JADE3: variants seen among roughly 807,000 people sequenced by gnomAD.
The protein encoded by JADE3 is jade family PHD finger 3.
In JADE3, 2 loss-of-function variants were observed where a neutral mutation model predicts 50.1. The observed-to-expected ratio is 0.04, with a 90% confidence interval of 0.02 to 0.13. JADE3 has a LOEUF of 0.13. Among genes scored for constraint, JADE3 ranks in the 10% least tolerant of loss-of-function variants. The pLI, the probability that JADE3 is intolerant of heterozygous loss-of-function variation, is 1.00. For synonymous variants in JADE3, 218 were observed against 232.9 expected (o/e 0.94, Z 0.58); for missense variants, 475 against 634.4 (o/e 0.75, Z 2.70).
In JADE3 at chrX:47,060,507, T is replaced by C. The variant is rs1285508862; in HGVS notation, c.*1430T>C. The C allele has an allele frequency of 2.7e-5, 3 of 111,973 alleles. No individual in the cohort carries two copies. The highest frequency in any genetic ancestry group is 3.8e-5 in the Non-Finnish European group (2 of 53,158). The allele number at this position is 111,973 out of a possible 1,213,427, so 9.2% of individuals were successfully genotyped here. A position where few individuals can be genotyped will look rare whatever the true frequency, so the allele number is the denominator to read the frequency against. ...GGCAGGGGCCCTCTCTCCGTCAATA[T>C]GGAAAACTCAGCAGTTTTCCTCTCC... On this transcript the variant is annotated 3_prime_UTR_variant, in exon 11 of 11. Coordinates refer to ENST00000614628, the MANE Select transcript of JADE3 (RefSeq NM_014735.5).
At chrX:47,037,131 A>C (rs1368757341) in intron 7 of JADE3, among the ~76,000 whole-genome samples, 1 of 110,696 alleles carries the variant, frequency 9.0e-6, no homozygotes, top group Non-Finnish European at 1.9e-5. Context: ...GGAAAAAAAA[A>C]AAGCATCCCT....
chrX:46,948,932 T>A (rs1436063592), intron 1 of JADE3, among the ~76,000 whole-genome samples: 5 of 111,075 alleles, frequency 4.5e-5, no homozygotes, highest in East Asian at 2.8e-4. Context: ...CACAATTTTT[T>A]AAAAAAACTC....
At chrX:46,957,196 C>T (rs1927146433) in intron 1 of JADE3, among the ~76,000 whole-genome samples, 1 of 100,536 alleles carries the variant, frequency 9.9e-6, no homozygotes, top group African/African-American at 3.7e-5. Flanking sequence ...CCTCCTCCCT[C>T]CTCAGTTTCA....
chrX:47,038,156 A>G (rs782196515), intron 7 of JADE3, among the ~76,000 whole-genome samples: 51 of 112,124 alleles, frequency 4.5e-4, no homozygotes, highest in African/African-American at 1.6e-3. Context: ...ATAGTACTCC[A>G]TTGTATATAT....
chrX:46,979,732 C>A (rs187666468), intron 1 of JADE3, among the ~76,000 whole-genome samples: 1 of 111,235 alleles, frequency 9.0e-6, no homozygotes, highest in African/African-American at 3.3e-5. Context: ...TTCACTATTT[C>A]TTTATTTCAG....
intron 1 of JADE3, among the ~76,000 whole-genome samples, chrX:46,931,576 C>T (rs1186517568): frequency 1.8e-5 from 2 of 110,175 alleles, no homozygotes; most frequent in East Asian, 2.8e-4. Context: ...TGCCCGCCAC[C>T]ATGCCCAGCT....
chrX:47,019,601 A>C (rs1928750517), intron 4 of JADE3, among the ~76,000 whole-genome samples: 1 of 111,908 alleles, frequency 8.9e-6, no homozygotes, highest in Non-Finnish European at 1.9e-5. Context: ...AAAACCTATG[A>C]GGTTTTGGTT....
chrX:46,977,735 G>C (rs1419193654), intron 1 of JADE3, among the ~76,000 whole-genome samples: 2 of 111,875 alleles, frequency 1.8e-5, no homozygotes, highest in Admixed American at 1.9e-4. Flanking sequence ...GTAAGGGGAA[G>C]AGGGTAACCG....
At chrX:46,971,007 T>C (rs187529534) in intron 1 of JADE3, among the ~76,000 whole-genome samples, 340 of 111,174 alleles carry the variant, frequency 3.1e-3, no homozygotes, top group Middle Eastern at 0.014. Flanking sequence ...TCTTAAGAGG[T>C]CTTATCTGCA....
chrX:46,984,962 C>T (rs376927612), intron 2 of JADE3, 22 bp downstream of exon 2: 1 of 1,163,871 alleles, frequency 8.6e-7, no homozygotes, highest in African/African-American at 1.8e-5. Flanking sequence ...CGGCTGGCAG[C>T]TGGTAACCTT....
intron 4 of JADE3, among the ~76,000 whole-genome samples, chrX:47,021,351 T>C (rs1295811996): frequency 1.8e-5 from 2 of 111,746 alleles, no homozygotes; most frequent in Non-Finnish European, 3.8e-5. Flanking sequence ...TTTATTCTGC[T>C]CTTGATATAT....
chrX:46,919,343 GAA>G (rs1475084251), intron 1 of JADE3, among the ~76,000 whole-genome samples: 2 of 112,126 alleles, frequency 1.8e-5, no homozygotes, highest in Non-Finnish European at 3.8e-5. Context: ...CGTTATTTGG[GAA>G]CCACCACCAC....
chrX:47,033,893 C>T, intron 7 of JADE3, 105 bp downstream of exon 7: 1 of 700,565 alleles, frequency 1.4e-6, no homozygotes, highest in Non-Finnish European at 2.0e-6. Context: ...TCATGCTTGC[C>T]CATGTTTCTG....
intron 1 of JADE3, among the ~76,000 whole-genome samples, chrX:46,919,241 GTC>G (rs1926168920): frequency 9.0e-6 from 1 of 111,527 alleles, no homozygotes; most frequent in African/African-American, 3.3e-5. Flanking sequence ...TATCAAAGGA[GTC>G]TCTAGATTTC....
At chrX:47,017,284 A>G (rs1928695482) in intron 4 of JADE3, among the ~76,000 whole-genome samples, 1 of 111,976 alleles carries the variant, frequency 8.9e-6, no homozygotes, top group Middle Eastern at 4.2e-3. Flanking sequence ...AAATTTTTCG[A>G]CAGTGAGTTC....
intron 1 of JADE3, among the ~76,000 whole-genome samples, chrX:46,973,064 C>G (rs977977331): frequency 2.7e-5 from 3 of 111,950 alleles, no homozygotes; most frequent in Middle Eastern, 4.6e-3. Context: ...GTTGGGTGAC[C>G]CCTGGTTTAG....
At chrX:46,955,784 G>C (rs1927100434) in intron 1 of JADE3, among the ~76,000 whole-genome samples, 1 of 110,628 alleles carries the variant, frequency 9.0e-6, no homozygotes, top group African/African-American at 3.3e-5. Flanking sequence ...TCAGACAGGT[G>C]GTTGTCTGAC....
chrX:46,948,565 G>A (rs1926932277), intron 1 of JADE3, among the ~76,000 whole-genome samples: 1 of 112,288 alleles, frequency 8.9e-6, no homozygotes, highest in African/African-American at 3.2e-5. Flanking sequence ...AGACAAGAAT[G>A]TAGAGAGAGA....
At chrX:47,046,794 A>G (rs1224995473) in intron 8 of JADE3, among the ~76,000 whole-genome samples, 1 of 112,151 alleles carries the variant, frequency 8.9e-6, no homozygotes, top group Non-Finnish European at 1.9e-5. Flanking sequence ...TGAAGATACG[A>G]TTTTTCACAC....
Sources: allele counts gnomAD v4.1 joint callset (sites outside exome capture counted in the v4.1 genomes callset), GRCh38; gene constraint gnomAD v4.1.1; transcripts MANE v1.5; gene names NCBI Gene and HGNC (gene_info 2026-07-23, HGNC 2026-07-21).